Variants in SCGB2B2 observed in about 807,000 individuals in gnomAD.
SCGB2B2 encodes secretoglobin family 2B member 2.
In SCGB2B2, 11 loss-of-function variants were observed where a neutral mutation model predicts 7.6. That is an observed-to-expected ratio of 1.45 (90% CI 0.91 to 2.40). The LOEUF (loss-of-function observed/expected upper bound fraction) is 2.40. Among genes scored for constraint, SCGB2B2 ranks in the 30% most tolerant of loss-of-function variants. SCGB2B2 has a pLI of 0.00. For missense variants in SCGB2B2, 104 were observed against 115.4 expected, an observed-to-expected ratio of 0.90 and a Z score of 0.45; for synonymous variants, 50 against 48.6, an observed-to-expected ratio of 1.03 and a Z score of -0.12.
chr19:34,638,900 T>C lies in SCGB2B2; in HGVS notation c.-2032+36730A>G, dbSNP rs539315344. On this transcript the variant is annotated intron_variant, in intron 1 of 3. Transcript: ENST00000601241. ...TATCAAGTTCTTCTTCCCACCCAAA[T>C]TGCAGTAAAACTTCAGGGTTGCAAA... is the stretch of plus-strand genomic sequence containing the variant. 7.2e-5 allele frequency among the ~76,000 whole-genome samples: 11 copies of C among 152,210 alleles called. No individual in the cohort carries two copies. The South Asian group carries it at 2.3e-3, about 32-fold the overall frequency.
intron 1 of SCGB2B2, among the ~76,000 whole-genome samples, chr19:34,607,970 A>AT (rs903071315): frequency 1.4e-4 from 21 of 151,642 alleles, no homozygotes; most frequent in Non-Finnish European, 2.4e-4. Flanking sequence ...ATATTTTGGG[A>AT]TTTTTTTCCT....
chr19:34,597,836 CATG>C (rs2065504534), intron 1 of SCGB2B2, among the ~76,000 whole-genome samples: 2 of 152,320 alleles, frequency 1.3e-5, no homozygotes, highest in South Asian at 4.1e-4. Context: ...CTGCAGGGCA[CATG>C]ATGGGGCCGG....
chr19:34,590,599 T>A (rs1372539839), downstream of SCGB2B2, among the ~76,000 whole-genome samples: 1 of 152,206 alleles, frequency 6.6e-6, no homozygotes, highest in Non-Finnish European at 1.5e-5. Context: ...AGAAGCTCCA[T>A]ATAGTGCTAG....
chr19:34,640,639 TATG>T (rs772291173), intron 1 of SCGB2B2: 5 of 152,230 alleles, frequency 3.3e-5, no homozygotes, highest in African/African-American at 7.2e-5. Context: ...TCATTTTAAC[TATG>T]TTAAGTGTAT....
chr19:34,632,173 TTAAG>T lies in SCGB2B2; in HGVS notation c.-2031-35583_-2031-35580del, dbSNP rs2066552392. ...TAAACCTAAAAGTACAAAACTTTAA[TTAAG>T]TAACATGAGATAATTTCTTAAATCT... On this transcript the variant is annotated intron_variant, in intron 1 of 3. Coordinates refer to ENST00000601241, the MANE Select transcript of SCGB2B2 (RefSeq NM_001025591.4). 4 of 152,334 alleles carry T rather than the reference TTAAG, an allele frequency of 2.6e-5. No individual in the cohort carries two copies. The Middle Eastern group carries it at 0.014, about 518-fold the overall frequency. The allele number at this position is 152,334 out of a possible 1,614,324, so 9.4% of individuals were successfully genotyped here. A position where few individuals can be genotyped will look rare whatever the true frequency, so the allele number is the denominator to read the frequency against.
chr19:34,598,402 T>C (rs1270256), intron 1 of SCGB2B2, among the ~76,000 whole-genome samples: 60,562 of 152,140 alleles, frequency 0.4, 12,512 homozygotes, highest in Non-Finnish European at 0.42. Flanking sequence ...GACAGCCTCA[T>C]GCCCTGGCGT....
At chr19:34,663,924 G>A (rs557402301) in intron 1 of SCGB2B2, among the ~76,000 whole-genome samples, 7 of 152,164 alleles carry the variant, frequency 4.6e-5, no homozygotes, top group East Asian at 1.9e-4. Context: ...AGCTGCACCC[G>A]TGTAACCTGC....
intron 1 of SCGB2B2, among the ~76,000 whole-genome samples, chr19:34,631,075 G>C (rs2066517742): frequency 1.4e-5 from 2 of 140,734 alleles, no homozygotes; most frequent in African/African-American, 5.3e-5. Flanking sequence ...GAGAACACGT[G>C]GACACAGGAA....
At chr19:34,612,095 T>C (rs1283854327) in intron 1 of SCGB2B2, among the ~76,000 whole-genome samples, 1 of 138,744 alleles carries the variant, frequency 7.2e-6, no homozygotes, top group Non-Finnish European at 1.5e-5. Flanking sequence ...TGGAGTGCAG[T>C]AGCATGATCT....
At chr19:34,625,051 G>A (rs1449117767) in intron 1 of SCGB2B2, among the ~76,000 whole-genome samples, 4 of 152,176 alleles carry the variant, frequency 2.6e-5, no homozygotes, top group Non-Finnish European at 5.9e-5. Context: ...GTTATCTGAG[G>A]TATTACTCAG....
intron 1 of SCGB2B2, among the ~76,000 whole-genome samples, chr19:34,671,522 C>A (rs548574129): frequency 1.6e-3 from 241 of 151,882 alleles, no homozygotes; most frequent in Non-Finnish European, 3.0e-3. Flanking sequence ...ATAAAAGCAT[C>A]GTGGGATTTT....
intron 1 of SCGB2B2, among the ~76,000 whole-genome samples, chr19:34,597,490 T>C (rs910208377): frequency 6.6e-6 from 1 of 152,160 alleles, no homozygotes; most frequent in Non-Finnish European, 1.5e-5. Context: ...CTTTCAGCCA[T>C]CTCAGCCTCA....
At chr19:34,603,152 ACT>A (rs2065679067) in intron 1 of SCGB2B2, among the ~76,000 whole-genome samples, 1 of 152,160 alleles carries the variant, frequency 6.6e-6, no homozygotes, top group Non-Finnish European at 1.5e-5. Context: ...TGTTCACCTG[ACT>A]CTAAATTAAC....
At position 34,675,404 on chromosome 19, in the gene SCGB2B2, A is replaced by G. The variant is rs1190132982; in HGVS notation, c.-2032+226T>C. ...CCACACCCACAGGATACACCAAGGT[A>G]GAACTGTCAGAGGTGTTTAAACCAG... On this transcript the variant is annotated intron_variant, in intron 1 of 3. Transcript: ENST00000601241. Among the ~76,000 whole-genome samples, 4 of 152,198 alleles carry G rather than the reference A, an allele frequency of 2.6e-5. No individual in the cohort carries two copies. The East Asian group carries it at 7.7e-4, about 29-fold the overall frequency.
intron 1 of SCGB2B2, among the ~76,000 whole-genome samples, chr19:34,669,202 G>A (rs568167177): frequency 6.6e-6 from 1 of 152,220 alleles, no homozygotes; most frequent in South Asian, 2.1e-4. Context: ...TGAAGTCAGT[G>A]AGACCAAGAA....
rs551780045 is a variant in SCGB2B2 at position 34,659,467 on chromosome 19, A to C, written c.-2032+16163T>G. 1.6e-4 allele frequency among the ~76,000 whole-genome samples: 24 copies of C among 152,346 alleles called. 1 individual carries two copies. The highest frequency in any genetic ancestry group is 1.6e-3 in the Admixed American group (24 of 15,304). On this transcript the variant is annotated intron_variant, in intron 1 of 3. Coordinates refer to ENST00000601241, the MANE Select transcript of SCGB2B2 (RefSeq NM_001025591.4). ...TCAGGATACAAAATCAGTGTGCAAAAATCACAAGCATTCCTATACACCAAT... is the reference window on the plus strand; with the variant it reads ...TCAGGATACAAAATCAGTGTGCAAACATCACAAGCATTCCTATACACCAAT...
At chr19:34,635,234 TA>T in intron 1 of SCGB2B2, 1 of 282,734 alleles carries the variant, frequency 3.5e-6, no homozygotes, top group South Asian at 4.5e-5. Context: ...GAATTCTGGC[TA>T]AATAATTTCG....
At chr19:34,670,244 A>G (rs2067767380) in intron 1 of SCGB2B2, among the ~76,000 whole-genome samples, 3 of 152,240 alleles carry the variant, frequency 2.0e-5, no homozygotes, top group African/African-American at 7.2e-5. Flanking sequence ...AGATGTCATC[A>G]TAAAATACAG....
At chr19:34,602,626 C>T (rs962124914) in intron 1 of SCGB2B2, among the ~76,000 whole-genome samples, 4 of 152,140 alleles carry the variant, frequency 2.6e-5, no homozygotes, top group African/African-American at 9.7e-5. Context: ...GTAATTCACT[C>T]CCAGCTGACT....
Sources: allele counts gnomAD v4.1 joint callset (sites outside exome capture counted in the v4.1 genomes callset), GRCh38; gene constraint gnomAD v4.1.1; transcripts MANE v1.5; gene names NCBI Gene and HGNC (gene_info 2026-07-23, HGNC 2026-07-21).